The following TTC23 variants were observed in gnomAD, a reference collection of about 807,000 sequenced individuals.
TTC23 encodes the protein tetratricopeptide repeat domain 23.
A neutral mutation model predicts 55.1 loss-of-function variants in TTC23; 58 were observed. That is an observed-to-expected ratio of 1.05 (90% confidence interval 0.85 to 1.31). The LOEUF (loss-of-function observed/expected upper bound fraction) is 1.31, where lower values mean the gene tolerates loss of function less well. TTC23 is among the 50% of genes most tolerant of loss of function. The pLI is 0.00. For synonymous variants in TTC23, 203 were observed against 199.9 expected (o/e 1.02, Z -0.13); for missense variants, 516 against 534.4 (o/e 0.97, Z 0.34).
chr15:99,232,336 G>C lies in TTC23; in HGVS notation c.-21+2652C>G, dbSNP rs555659621. ...CTCCCAAAAATACAGAAAATTAGCTGGGCGTGGTGGCACATGCCTGTAATC... is the reference window on the plus strand; with the variant it reads ...CTCCCAAAAATACAGAAAATTAGCTCGGCGTGGTGGCACATGCCTGTAATC... On this transcript the variant is annotated intron_variant, in intron 4 of 13. Transcript: ENST00000394132. Among the ~76,000 whole-genome samples, 6 of 151,576 alleles carry C rather than the reference G, an allele frequency of 4.0e-5. No individual in the cohort carries two copies. The South Asian group carries it at 1.3e-3, about 32-fold the overall frequency.
intron 8 of TTC23, 87 bp from the exon 9 acceptor site, chr15:99,200,183 CTT>C (rs1252056664): frequency 3.1e-5 from 37 of 1,210,244 alleles, no homozygotes; most frequent in Non-Finnish European, 3.8e-5. Context: ...GGATGTGACT[CTT>C]TGATCCCTGG....
chr15:99,139,477 G>A, intron 12 of TTC23, 78 bp from the exon 13 acceptor site: 1 of 1,595,214 alleles, frequency 6.3e-7, no homozygotes, highest in African/African-American at 1.3e-5. Flanking sequence ...CCTTGAATGA[G>A]AGAAAGATGA....
At chr15:99,156,019 G>C in intron 12 of TTC23, 129 bp downstream of exon 12, 4 of 1,268,456 alleles carry the variant, frequency 3.2e-6, no homozygotes, top group Middle Eastern at 2.1e-4. Flanking sequence ...TACCACAAAA[G>C]TGATGTCATC....
chr15:99,248,094 A>C (rs904532963), intron 1 of TTC23: 1 of 152,180 alleles, frequency 6.6e-6, no homozygotes, highest in African/African-American at 2.4e-5. Flanking sequence ...AAGTAAACTC[A>C]ATGCTTTCGA....
intron 12 of TTC23, among the ~76,000 whole-genome samples, chr15:99,148,887 AT>A (rs2069325879): frequency 6.6e-6 from 1 of 152,168 alleles, no homozygotes; most frequent in African/African-American, 2.4e-5. Context: ...CTTTTCGGTG[AT>A]TTAATCCTGC....
chr15:99,210,795 G>A (rs1040130794), intron 8 of TTC23, among the ~76,000 whole-genome samples: 7 of 152,146 alleles, frequency 4.6e-5, no homozygotes, highest in Non-Finnish European at 1.0e-4. Flanking sequence ...GGTTATTATT[G>A]AAGTATCAAA....
chr15:99,179,706 C>A (rs923887534), intron 9 of TTC23, among the ~76,000 whole-genome samples: 1 of 152,174 alleles, frequency 6.6e-6, no homozygotes. Flanking sequence ...ATATACACAG[C>A]AGGAAAGAGC....
Position 99,138,028 on chromosome 15 carries a change from G to C in TTC23, c.1326C>G (p.Pro442=). ...GGGGGCCTCAGTCTGCTGTTGTGCCGGGCCGGGCCTTCCCCAGCAGGGTGT... is the reference window on the plus strand; with the variant it reads ...GGGGGCCTCAGTCTGCTGTTGTGCCCGGCCGGGCCTTCCCCAGCAGGGTGT... ...PQDTLLGKAR[P]GTTAD is the part of the protein sequence containing the mutation. Residue 442 remains proline (P), a synonymous_variant, in exon 14 of 14, where the codon CCC becomes CCG. Transcript: ENST00000394132. 1.2e-6 allele frequency: 2 copies of C among 1,614,030 alleles called. No homozygotes were observed. Among genetic ancestry groups the C allele is most frequent in the Non-Finnish European group, 1.7e-6 (2 of 1,179,986 alleles).
intron 8 of TTC23, among the ~76,000 whole-genome samples, chr15:99,207,936 T>C (rs543716424): frequency 6.6e-6 from 1 of 152,262 alleles, no homozygotes; most frequent in South Asian, 2.1e-4. Flanking sequence ...GCTTGTCAAG[T>C]AAACAATTCC....
intron 9 of TTC23, among the ~76,000 whole-genome samples, chr15:99,183,521 T>C (rs1226391931): frequency 9.1e-6 from 1 of 109,316 alleles, no homozygotes; most frequent in Non-Finnish European, 1.9e-5. Flanking sequence ...TTTTTTTTTT[T>C]AGTAGATAAC....
chr15:99,222,450 G>A (rs999242049), intron 5 of TTC23, among the ~76,000 whole-genome samples: 7 of 152,156 alleles, frequency 4.6e-5, no homozygotes, highest in African/African-American at 1.7e-4. Flanking sequence ...CTAGTTTTTT[G>A]TATTTTTGGT....
intron 9 of TTC23, among the ~76,000 whole-genome samples, chr15:99,195,926 G>A (rs1343132405): frequency 6.6e-6 from 1 of 151,382 alleles, no homozygotes; most frequent in Non-Finnish European, 1.5e-5. Context: ...GGCTGAGGCA[G>A]GGGGATCTCT....
chr15:99,141,894 AAGT>A (rs1248347619), intron 12 of TTC23, among the ~76,000 whole-genome samples: 1 of 152,164 alleles, frequency 6.6e-6, no homozygotes, highest in Non-Finnish European at 1.5e-5. Flanking sequence ...CAATATCAAG[AAGT>A]AGTAAACTCT....
rs554442082 is a variant in TTC23 at position 99,235,679 on chromosome 15, C to A, written c.-113-599G>T. On this transcript the variant is annotated intron_variant, in intron 3 of 13. Transcript: ENST00000394132. ...GCCACTGTGCCCGGACCATTTTAAC[C>A]ATTTTTAAGTGTGCAGTTCAGTGAC... 5.3e-5 allele frequency among the ~76,000 whole-genome samples: 8 copies of A among 152,290 alleles called. No homozygotes were observed. The East Asian group carries it at 9.7e-4, about 18-fold the overall frequency.
intron 9 of TTC23, among the ~76,000 whole-genome samples, chr15:99,189,445 C>A (rs1405349826): frequency 1.1e-4 from 16 of 152,090 alleles, no homozygotes; most frequent in Admixed American, 9.2e-4. Flanking sequence ...TAAAATGTGT[C>A]TTTAAAGATG....
At chr15:99,153,912 A>C (rs1392557836) in intron 12 of TTC23, among the ~76,000 whole-genome samples, 1 of 152,226 alleles carries the variant, frequency 6.6e-6, no homozygotes, top group Non-Finnish European at 1.5e-5. Flanking sequence ...GATAACTGTT[A>C]AAAAGTAGAA....
intron 9 of TTC23, among the ~76,000 whole-genome samples, chr15:99,194,094 T>A (rs1459071817): frequency 6.6e-6 from 1 of 152,128 alleles, no homozygotes; most frequent in Non-Finnish European, 1.5e-5. Context: ...TGAGGATAGA[T>A]CTGGATTTAG....
chr15:99,155,761 G>A (rs1242890236), intron 12 of TTC23: 2 of 249,708 alleles, frequency 8.0e-6, no homozygotes, highest in Admixed American at 9.8e-5. Context: ...GGTAAGATTA[G>A]ATCCATTCCT....
At position 99,175,033 on chromosome 15, in the gene TTC23, A is replaced by G. The variant is rs1173644532; in HGVS notation, c.865+17T>C. ...CCAGATGCCTGTGAGACAGGAAGAG[A>G]AAAGGATTCTTCTCACCATGGTGCT... On this transcript the variant is annotated intron_variant, in intron 10 of 13. Coordinates refer to ENST00000394132, the MANE Select transcript of TTC23 (RefSeq NM_001288615.3). 2 of 1,612,274 alleles carry G rather than the reference A, an allele frequency of 1.2e-6. No homozygotes were observed. The highest frequency in any genetic ancestry group is 8.5e-7 in the Non-Finnish European group (1 of 1,178,798).
Sources: allele counts gnomAD v4.1 joint callset (sites outside exome capture counted in the v4.1 genomes callset), GRCh38; gene constraint gnomAD v4.1.1; transcripts MANE v1.5; gene names NCBI Gene and HGNC (gene_info 2026-07-23, HGNC 2026-07-21).